The following SCN1A variants were observed in gnomAD, a reference collection of about 807,000 sequenced individuals.
SCN1A encodes the protein sodium channel protein type 1 subunit alpha.
In SCN1A, 13 loss-of-function variants were observed where a neutral mutation model predicts 193.7. The ratio of observed to expected loss-of-function variants is 0.07; its 90% CI spans 0.04 to 0.11. The LOEUF (loss-of-function observed/expected upper bound fraction) is 0.11. Among genes scored for constraint, SCN1A ranks in the 10% least tolerant of loss-of-function variants. The pLI is 1.00. For synonymous variants in SCN1A, 781 were observed against 843.6 expected (o/e 0.93, Z 1.29); for missense variants, 1,432 against 2,451.1 (o/e 0.58, Z 8.78).
chr2:166,032,202 TACACACACACACAC>T, intron 19 of SCN1A, among the ~76,000 whole-genome samples: 3 of 77,248 alleles, frequency 3.9e-5, no homozygotes, highest in African/African-American at 1.6e-4. Flanking sequence ...TTGAAAGTCA[TACACACACACACAC>T]ACACACACAC....
chr2:166,048,824 A>G (rs1415106527), intron 10 of SCN1A, 62 bp downstream of exon 10: 1 of 1,067,896 alleles, frequency 9.4e-7, no homozygotes, highest in East Asian at 2.4e-5. Context: ...AAAGAGAGAA[A>G]AGATACACAT....
chr2:166,061,441 A>G (rs1683294843), intron 4 of SCN1A, among the ~76,000 whole-genome samples: 1 of 152,166 alleles, frequency 6.6e-6, no homozygotes, highest in Non-Finnish European at 1.5e-5. Flanking sequence ...ACAGAGAGAA[A>G]TCTGTTAAAG....
intron 9 of SCN1A, among the ~76,000 whole-genome samples, chr2:166,049,229 T>C (rs960703714): frequency 6.6e-6 from 1 of 151,508 alleles, no homozygotes; most frequent in African/African-American, 2.4e-5. Flanking sequence ...TTCTTCATTA[T>C]GAATGTAAAG....
At chr2:166,002,244 A>C (rs1253651532) in intron 24 of SCN1A, among the ~76,000 whole-genome samples, 1 of 151,716 alleles carries the variant, frequency 6.6e-6, no homozygotes, top group African/African-American at 2.4e-5. Context: ...ACAAGAAAAA[A>C]GACAAAGAGG....
chr2:165,986,821 A>G lies in SCN1A; in HGVS notation c.*4424T>C, dbSNP rs1688643593. ...CATTTTTCTTTGAACTGATTCAAGA[A>G]TGAGCTGCAGACATTGTTGCATTCA... On this transcript the variant is annotated 3_prime_UTR_variant, in exon 29 of 29. Coordinates refer to ENST00000674923, the MANE Select transcript of SCN1A (RefSeq NM_001165963.4). 2 of 152,066 alleles carry G rather than the reference A, an allele frequency of 1.3e-5. No individual in the cohort carries two copies. Among genetic ancestry groups the G allele is most frequent in the African/African-American group, 2.4e-5 (1 of 41,436 alleles). The allele number at this position is 152,066 out of a possible 1,614,324, so 9.4% of individuals were successfully genotyped here.
In SCN1A at chr2:166,073,130, A is replaced by T. The variant is rs539208746; in HGVS notation, c.264+228T>A. On this transcript the variant is annotated intron_variant, in intron 4 of 28. Coordinates refer to ENST00000674923, the MANE Select transcript of SCN1A (RefSeq NM_001165963.4). ...TGGGATTACAGGCTTGAGCCACCGCACCTGGCCTCTTTTTATTTGTCATGG... is the reference window on the plus strand; with the variant it reads ...TGGGATTACAGGCTTGAGCCACCGCTCCTGGCCTCTTTTTATTTGTCATGG... 1.4e-4 allele frequency among the ~76,000 whole-genome samples: 22 copies of T among 152,058 alleles called. No homozygotes were observed. In the South Asian group the frequency reaches 3.5e-3, roughly 24 times the overall value.
chr2:166,133,421 T>A (rs189665004), intron 1 of SCN1A, among the ~76,000 whole-genome samples: 152 of 152,304 alleles, frequency 1.0e-3, no homozygotes, highest in African/African-American at 3.6e-3. Flanking sequence ...GAATAATACA[T>A]GAACCTGATT....
At chr2:166,041,515 TA>T in intron 15 of SCN1A, 46 bp from the exon 16 acceptor site, 1 of 1,182,894 alleles carries the variant, frequency 8.5e-7, no homozygotes, top group East Asian at 2.3e-5. Context: ...AGGTATACTT[TA>T]TACACACACA....
At chr2:166,016,483 C>T (rs2105638576) in intron 19 of SCN1A, 1 of 152,052 alleles carries the variant, frequency 6.6e-6, no homozygotes, top group African/African-American at 2.4e-5. Context: ...ACAACAATAA[C>T]AATATCCTTC....
At chr2:166,067,613 A>G (rs1348960483) in intron 4 of SCN1A, among the ~76,000 whole-genome samples, 1 of 152,172 alleles carries the variant, frequency 6.6e-6, no homozygotes, top group Non-Finnish European at 1.5e-5. Flanking sequence ...ATTTTTAAAT[A>G]AAGACAAGAG....
chr2:166,128,895 GC>G (rs2106282547), upstream of SCN1A, among the ~76,000 whole-genome samples: 1 of 152,160 alleles, frequency 6.6e-6, no homozygotes, highest in Admixed American at 6.5e-5. Flanking sequence ...TGAGAGTAGA[GC>G]TTTTTATGTT....
At chr2:166,137,648 A>C (rs1691916562) in intron 1 of SCN1A, 1 of 152,334 alleles carries the variant, frequency 6.6e-6, no homozygotes, top group African/African-American at 2.4e-5. Flanking sequence ...AAGTTCAATA[A>C]ACCTCTTTCT....
At chr2:166,037,146 A>G (rs1283903833) in intron 18 of SCN1A, among the ~76,000 whole-genome samples, 1 of 152,176 alleles carries the variant, frequency 6.6e-6, no homozygotes, top group Non-Finnish European at 1.5e-5. Flanking sequence ...TATAAACAGT[A>G]ACACTCCAAA....
chr2:165,994,062 G>T, intron 28 of SCN1A, 84 bp downstream of exon 28: 1 of 1,094,926 alleles, frequency 9.1e-7, no homozygotes, highest in Non-Finnish European at 1.3e-6. Context: ...ATCTCTGATT[G>T]CTGGGATGAT....
chr2:166,138,640 A>AG (rs1691958778), intron 1 of SCN1A, among the ~76,000 whole-genome samples: 1 of 152,218 alleles, frequency 6.6e-6, no homozygotes, highest in African/African-American at 2.4e-5. Context: ...AGTTTGCTGC[A>AG]GGGGTGGGGC....
rs1689656041 is a variant in SCN1A at position 165,994,047 on chromosome 2, T to C, written c.4852+99A>G. The C allele has an allele frequency of 6.3e-6, 6 of 957,430 alleles. No homozygotes were observed. In the East Asian group the frequency reaches 1.6e-4, roughly 25 times the overall value. 59.3% of individuals were successfully genotyped at this position (957,430 alleles called of 1,614,324 possible). A position where few individuals can be genotyped will look rare whatever the true frequency, so the allele number is the denominator to read the frequency against. On this transcript the variant is annotated intron_variant, in intron 28 of 28. Coordinates refer to ENST00000674923, the MANE Select transcript of SCN1A (RefSeq NM_001165963.4). ...ATAAAATGTATCAAAATATTTACAG[T>C]GATTATCTCTGATTGCTGGGATGAT...
intron 4 of SCN1A, among the ~76,000 whole-genome samples, chr2:166,058,950 C>G (rs1246039005): frequency 6.6e-6 from 1 of 152,156 alleles, no homozygotes; most frequent in African/African-American, 2.4e-5. Context: ...CAAGAGAAGT[C>G]ATTTATTTTC....
chr2:166,019,862 C>T (rs955327116), intron 19 of SCN1A, among the ~76,000 whole-genome samples: 1 of 151,716 alleles, frequency 6.6e-6, no homozygotes, highest in Non-Finnish European at 1.5e-5. Context: ...ACCAAATCTC[C>T]CAAATTTGTC....
rs79385442 is a variant in SCN1A at position 166,065,221 on chromosome 2, C to G, written c.265-6533G>C. On this transcript the variant is annotated intron_variant, in intron 4 of 28. Coordinates refer to ENST00000674923, the MANE Select transcript of SCN1A (RefSeq NM_001165963.4). ...CAGGAAAATTATCTGGCTCTAGCTC[C>G]TACCCAGAAGTGCTATTAAGTTTTT... 3.2e-3 allele frequency among the ~76,000 whole-genome samples: 494 copies of G among 152,244 alleles called. 2 individuals are homozygous for G. Among genetic ancestry groups the G allele is most frequent in the African/African-American group, 0.011 (456 of 41,558 alleles).
Sources: gnomAD v4.1 joint callset for allele counts (sites outside exome capture counted in the v4.1 genomes callset) on GRCh38, gnomAD v4.1.1 for gene constraint, MANE v1.5 for transcripts, NCBI Gene and HGNC (gene_info 2026-07-23, HGNC 2026-07-21) for gene names.